AGTPBP1: variants seen among roughly 807,000 people sequenced by gnomAD.
The protein encoded by AGTPBP1 is ATP/GTP binding carboxypeptidase 1.
In AGTPBP1, 70 loss-of-function variants were observed where a neutral mutation model predicts 143.9. The observed-to-expected ratio is 0.49, with a 90% confidence interval of 0.40 to 0.59. The LOEUF is 0.59. AGTPBP1 is among the 20% of genes least tolerant of loss of function. The pLI is 0.00. For missense variants in AGTPBP1, 1,229 were observed against 1,464.5 expected, an observed-to-expected ratio of 0.84 and a Z score of 2.62; for synonymous variants, 463 against 500.2, an observed-to-expected ratio of 0.93 and a Z score of 0.99.
At position 85,685,723 on chromosome 9, in the gene AGTPBP1, T is replaced by C. The variant is rs570888704; in HGVS notation, c.158-4388A>G. 7.9e-5 allele frequency among the ~76,000 whole-genome samples: 12 copies of C among 152,192 alleles called. No individual in the cohort carries two copies. In the South Asian group the frequency reaches 2.5e-3, roughly 32 times the overall value. ...CCAAAATGGTAAATATCTCTGCAAATGTAAAAACTACCTTTTTTCTTTTTA... is the reference window on the plus strand; with the variant it reads ...CCAAAATGGTAAATATCTCTGCAAACGTAAAAACTACCTTTTTTCTTTTTA... On this transcript the variant is annotated intron_variant, in intron 3 of 25. Coordinates refer to ENST00000357081, the MANE Select transcript of AGTPBP1 (RefSeq NM_001330701.2).
At chr9:85,683,159 G>A (rs1273549126) in intron 3 of AGTPBP1, among the ~76,000 whole-genome samples, 1 of 152,084 alleles carries the variant, frequency 6.6e-6, no homozygotes, top group Admixed American at 6.6e-5. Flanking sequence ...ATGCTTAAAA[G>A]AATATAAAAT....
At chr9:85,547,518 T>C (rs1825801056) in intron 25 of AGTPBP1, among the ~76,000 whole-genome samples, 1 of 152,240 alleles carries the variant, frequency 6.6e-6, no homozygotes, top group South Asian at 2.1e-4. Flanking sequence ...TATCAATATA[T>C]ATCCTAAAAT....
chr9:85,558,687 C>T (rs974026863), intron 25 of AGTPBP1, among the ~76,000 whole-genome samples: 5 of 152,134 alleles, frequency 3.3e-5, no homozygotes, highest in Non-Finnish European at 7.3e-5. Context: ...GACATGATCT[C>T]GGCTCACTGC....
At chr9:85,622,359 T>A (rs936731855) in intron 14 of AGTPBP1, among the ~76,000 whole-genome samples, 2 of 152,180 alleles carry the variant, frequency 1.3e-5, no homozygotes, top group Non-Finnish European at 2.9e-5. Flanking sequence ...CGAAGATACT[T>A]TTCCATGATA....
Position 85,681,024 on chromosome 9 carries a change from C to T in AGTPBP1, c.225+244G>A, listed in dbSNP as rs543362079. ...ATAATCATATAAGGGAAATATACTT[C>T]AATAGTCACCTAATACATATTAAAA... On this transcript the variant is annotated intron_variant, in intron 4 of 25. Transcript: ENST00000357081. Among the ~76,000 whole-genome samples, 7 of 152,278 alleles carry T rather than the reference C, an allele frequency of 4.6e-5. No homozygotes were observed. In the East Asian group the frequency reaches 1.2e-3, roughly 25 times the overall value.
At chr9:85,595,040 A>C (rs1829207656) in intron 18 of AGTPBP1, among the ~76,000 whole-genome samples, 1 of 152,212 alleles carries the variant, frequency 6.6e-6, no homozygotes, top group South Asian at 2.1e-4. Context: ...ACTAAAAGAA[A>C]TACAAGATGT....
chr9:85,657,856 T>TAATG (rs1480354665), intron 9 of AGTPBP1, among the ~76,000 whole-genome samples: 1 of 152,180 alleles, frequency 6.6e-6, no homozygotes, highest in African/African-American at 2.4e-5. Context: ...TCTGCCTGTG[T>TAATG]AATGTTTCAC....
At chr9:85,765,294 T>C in the AGTPBP1 span, among the ~76,000 whole-genome samples, 785 of 152,282 alleles carry the variant, frequency 5.2e-3, 7 homozygotes, top group African/African-American at 0.018. Context: ...ATATATTTCT[T>C]GAAGGATACT....
chr9:85,650,269 A>G (rs1833076863), intron 11 of AGTPBP1, among the ~76,000 whole-genome samples: 1 of 152,072 alleles, frequency 6.6e-6, no homozygotes, highest in Non-Finnish European at 1.5e-5. Context: ...GAAAAATGTA[A>G]GTTTGAACTG....
In AGTPBP1 at chr9:85,586,005, C is replaced by T. The variant is rs113756988; in HGVS notation, c.3034-411G>A. ...AGGCGGGTGGATCACCAGAGGCCAG[C>T]ATTTCGACGCCAGCCTGACCAACAT... On this transcript the variant is annotated intron_variant, in intron 22 of 25. Coordinates refer to ENST00000357081, the MANE Select transcript of AGTPBP1 (RefSeq NM_001330701.2). Among the ~76,000 whole-genome samples the T allele has an allele frequency of 6.6e-3, 1,003 of 152,168 alleles. 9 individuals are homozygous for T. The highest frequency in any genetic ancestry group is 0.023 in the African/African-American group (938 of 41,522).
At chr9:85,587,128 T>C (rs1267011787) in intron 21 of AGTPBP1, among the ~76,000 whole-genome samples, 168 bp from the exon 22 acceptor site, 2 of 152,236 alleles carry the variant, frequency 1.3e-5, no homozygotes, top group Non-Finnish European at 2.9e-5. Context: ...CTATATTCAT[T>C]AAGTAAACAT....
intron 1 of AGTPBP1, among the ~76,000 whole-genome samples, chr9:85,720,485 T>C (rs1165870208): frequency 1.3e-5 from 2 of 152,252 alleles, no homozygotes; most frequent in Non-Finnish European, 2.9e-5. Context: ...GTAGCTTGTA[T>C]TTCTGTGGTA....
chr9:85,800,527 G>C, the AGTPBP1 span, among the ~76,000 whole-genome samples: 2 of 152,062 alleles, frequency 1.3e-5, no homozygotes, highest in African/African-American at 4.8e-5. Context: ...CTCTTTCCCT[G>C]TTTGCTTTTT....
At chr9:85,624,346 G>GT (rs1831138838) in intron 14 of AGTPBP1, among the ~76,000 whole-genome samples, 1 of 152,134 alleles carries the variant, frequency 6.6e-6, no homozygotes, top group Non-Finnish European at 1.5e-5. Context: ...TACCAGTAGT[G>GT]TAACTCAACA....
At chr9:85,730,120 A>G (rs542105504) in intron 1 of AGTPBP1, among the ~76,000 whole-genome samples, 8 of 152,204 alleles carry the variant, frequency 5.3e-5, no homozygotes, top group Non-Finnish European at 8.8e-5. Context: ...GAGGTTTCCT[A>G]ATCATAAAAG....
At chr9:85,764,620 G>A in the AGTPBP1 span, 3 of 590,952 alleles carry the variant, frequency 5.1e-6, no homozygotes, top group Non-Finnish European at 9.1e-6. Context: ...TATTCATTTA[G>A]CAATTTTCTC....
intron 17 of AGTPBP1, among the ~76,000 whole-genome samples, chr9:85,603,422 C>T (rs1829793523): frequency 6.6e-6 from 1 of 152,086 alleles, no homozygotes; most frequent in African/African-American, 2.4e-5. Context: ...CAGAAGAGAA[C>T]CCACTGCCTT....
At chr9:85,732,479 G>T (rs1838955844) in intron 1 of AGTPBP1, among the ~76,000 whole-genome samples, 1 of 151,740 alleles carries the variant, frequency 6.6e-6, no homozygotes, top group Admixed American at 6.6e-5. Context: ...GGGTTTTTTT[G>T]AAGAAACCAC....
intron 25 of AGTPBP1, among the ~76,000 whole-genome samples, chr9:85,573,535 G>A (rs1827668705): frequency 6.6e-6 from 1 of 152,176 alleles, no homozygotes; most frequent in African/African-American, 2.4e-5. Flanking sequence ...CCCCGTCTGG[G>A]AAGTGAGGAG....
Sources: allele counts gnomAD v4.1 joint callset (sites outside exome capture counted in the v4.1 genomes callset), GRCh38; gene constraint gnomAD v4.1.1; transcripts MANE v1.5; gene names NCBI Gene and HGNC (gene_info 2026-07-23, HGNC 2026-07-21).